The following NLK variants were observed in gnomAD, a reference collection of about 807,000 sequenced individuals.
NLK encodes the protein serine/threonine-protein kinase NLK.
NLK carries 11 observed loss-of-function variants against 59.0 expected under a neutral mutation model. The observed-to-expected ratio is 0.19, with a 90% CI of 0.12 to 0.31. NLK has a LOEUF of 0.31. Among genes scored for constraint, NLK ranks in the 10% least tolerant of loss-of-function variants. The probability of loss-of-function intolerance (pLI) is 1.00; values close to 1 mark genes in which losing one functional copy is unlikely to be tolerated. For missense variants in NLK, 410 were observed against 661.1 expected (o/e 0.62, Z 4.16); for synonymous variants, 235 against 235.9 (o/e 1.00, Z 0.03).
intron 1 of NLK, among the ~76,000 whole-genome samples, chr17:28,080,174 A>G (rs1412960060): frequency 4.6e-5 from 7 of 152,162 alleles, no homozygotes; most frequent in Non-Finnish European, 7.3e-5. Flanking sequence ...GCTTCCAGTC[A>G]GGCACCGTCG....
At chr17:28,132,971 G>A (rs1358739694) in intron 3 of NLK, among the ~76,000 whole-genome samples, 1 of 152,210 alleles carries the variant, frequency 6.6e-6, no homozygotes, top group Non-Finnish European at 1.5e-5. Flanking sequence ...CAGTGAGGCA[G>A]CTGTGTTGTA....
At chr17:28,112,817 A>G (rs1001808096) in intron 1 of NLK, among the ~76,000 whole-genome samples, 2 of 152,194 alleles carry the variant, frequency 1.3e-5, no homozygotes, top group Non-Finnish European at 2.9e-5. Flanking sequence ...ATTTGCTGAC[A>G]GCGCTTTCCT....
intron 2 of NLK, among the ~76,000 whole-genome samples, chr17:28,130,920 G>GA (rs1162295547): frequency 1.3e-5 from 2 of 151,930 alleles, no homozygotes; most frequent in African/African-American, 2.4e-5. Flanking sequence ...TCTGTCATAT[G>GA]AAAAAAATTA....
intron 1 of NLK, among the ~76,000 whole-genome samples, chr17:28,054,990 G>C (rs1263442549): frequency 6.6e-6 from 1 of 152,066 alleles, no homozygotes; most frequent in Non-Finnish European, 1.5e-5. Context: ...CTCATTATCT[G>C]TGGGTAAATT....
At chr17:28,175,314 C>T (rs1908635018) in intron 7 of NLK, among the ~76,000 whole-genome samples, 1 of 151,750 alleles carries the variant, frequency 6.6e-6, no homozygotes, top group Admixed American at 6.6e-5. Context: ...TTTAGCCAGG[C>T]GTGGTGGCAG....
chr17:28,078,707 G>C (rs942282219), intron 1 of NLK, among the ~76,000 whole-genome samples: 3 of 152,058 alleles, frequency 2.0e-5, no homozygotes, highest in African/African-American at 7.3e-5. Context: ...CAGACTCAGA[G>C]TAGTCAGTTT....
chr17:28,118,648 A>C (rs983408508), intron 1 of NLK, among the ~76,000 whole-genome samples: 4 of 152,220 alleles, frequency 2.6e-5, no homozygotes, highest in Non-Finnish European at 5.9e-5. Context: ...AAACTCAACA[A>C]AATGACCACA....
intron 1 of NLK, among the ~76,000 whole-genome samples, chr17:28,099,054 T>G (rs1049074512): frequency 6.6e-6 from 1 of 152,114 alleles, no homozygotes; most frequent in Middle Eastern, 3.2e-3. Context: ...AGTAGAATTT[T>G]GGGACAAAAA....
At chr17:28,068,340 A>T (rs1349969692) in intron 1 of NLK, among the ~76,000 whole-genome samples, 4 of 152,196 alleles carry the variant, frequency 2.6e-5, no homozygotes, top group African/African-American at 9.7e-5. Context: ...AGTCAAGTGC[A>T]GTAGTCAGAA....
chr17:28,048,899 TG>T (rs1476878901), intron 1 of NLK: 4 of 152,254 alleles, frequency 2.6e-5, no homozygotes, highest in Non-Finnish European at 4.4e-5. Context: ...AACCAATAAA[TG>T]GACAGAAGCT....
At chr17:28,104,731 A>G (rs1177208194) in intron 1 of NLK, among the ~76,000 whole-genome samples, 3 of 152,162 alleles carry the variant, frequency 2.0e-5, no homozygotes, top group Admixed American at 6.5e-5. Context: ...TCCATGTGGA[A>G]GTAACTTTCA....
intron 1 of NLK, among the ~76,000 whole-genome samples, chr17:28,078,327 A>ATTAGATCT (rs1195288073): frequency 2.6e-5 from 4 of 152,166 alleles, no homozygotes; most frequent in Non-Finnish European, 5.9e-5. Flanking sequence ...TATATGATAA[A>ATTAGATCT]TTAGATCTTT....
At chr17:28,106,399 C>G (rs1905081808) in intron 1 of NLK, among the ~76,000 whole-genome samples, 1 of 152,148 alleles carries the variant, frequency 6.6e-6, no homozygotes, top group Non-Finnish European at 1.5e-5. Context: ...TATACTGCTT[C>G]TTATATGCTA....
At chr17:28,158,221 C>T (rs192213520) in intron 3 of NLK, among the ~76,000 whole-genome samples, 27 of 152,214 alleles carry the variant, frequency 1.8e-4, no homozygotes, top group Non-Finnish European at 2.6e-4. Flanking sequence ...AACATGTTAC[C>T]GTACTGAATA....
At chr17:28,200,586 C>T (rs1284709450), downstream of NLK, among the ~76,000 whole-genome samples, 4 of 152,290 alleles carry the variant, frequency 2.6e-5, no homozygotes, top group Non-Finnish European at 4.4e-5. Context: ...CTGGTTCAAG[C>T]GATTCTCCTG....
intron 4 of NLK, among the ~76,000 whole-genome samples, chr17:28,161,761 A>G (rs1908014745): frequency 6.6e-6 from 1 of 152,200 alleles, no homozygotes; most frequent in Non-Finnish European, 1.5e-5. Context: ...ACCAATAAAC[A>G]GAGCCAGCTA....
chr17:28,113,341 C>G (rs1395554386), intron 1 of NLK, among the ~76,000 whole-genome samples: 1 of 151,994 alleles, frequency 6.6e-6, no homozygotes, highest in African/African-American at 2.4e-5. Context: ...TGGGGCAAGT[C>G]CATAGAGTAA....
the NLK span, among the ~76,000 whole-genome samples, chr17:28,205,070 A>G: frequency 6.6e-6 from 1 of 152,216 alleles, no homozygotes; most frequent in African/African-American, 2.4e-5. Flanking sequence ...GATACCATTC[A>G]TGGAGCTGGA....
intron 1 of NLK, chr17:28,048,032 A>G (rs1238804001): frequency 2.5e-6 from 1 of 398,200 alleles, no homozygotes; most frequent in Non-Finnish European, 4.4e-6. Context: ...CAGAGCCTGC[A>G]CCATAAAAAG....
Sources: gnomAD v4.1 joint callset for allele counts (sites outside exome capture counted in the v4.1 genomes callset) on GRCh38, gnomAD v4.1.1 for gene constraint, MANE v1.5 for transcripts, NCBI Gene and HGNC (gene_info 2026-07-23, HGNC 2026-07-21) for gene names.